The following KLF12 variants were observed in gnomAD, a reference collection of about 807,000 sequenced individuals.
The protein encoded by KLF12 is Krueppel-like factor 12.
Under a neutral mutation model 37.8 loss-of-function variants are expected in KLF12, and 9 were observed. That is an observed-to-expected ratio of 0.24 (90% CI 0.14 to 0.42). KLF12 has a LOEUF of 0.42. Ranked by LOEUF, KLF12 falls within the 10% of genes least tolerant of loss-of-function variation. The pLI is 1.00. For synonymous variants in KLF12, 208 were observed against 202.1 expected, an observed-to-expected ratio of 1.03 and a Z score of -0.25; for missense variants, 411 against 516.0, an observed-to-expected ratio of 0.80 and a Z score of 1.97.
At chr13:74,281,222 T>A in the KLF12 span, among the ~76,000 whole-genome samples, 1 of 152,186 alleles carries the variant, frequency 6.6e-6, no homozygotes, top group East Asian at 1.9e-4. Flanking sequence ...CTTACCACAT[T>A]TCATGAGTTG....
chr13:74,004,775 A>G (rs1892368521), intron 1 of KLF12, among the ~76,000 whole-genome samples: 1 of 152,200 alleles, frequency 6.6e-6, no homozygotes, highest in Non-Finnish European at 1.5e-5. Flanking sequence ...AAGTTTCTCC[A>G]CTAATTAGAA....
intron 5 of KLF12, among the ~76,000 whole-genome samples, chr13:73,805,996 G>A (rs989013632): frequency 6.6e-6 from 1 of 151,914 alleles, no homozygotes; most frequent in African/African-American, 2.4e-5. Context: ...TAGAGATGAG[G>A]TTTCACCAGA....
the KLF12 span, among the ~76,000 whole-genome samples, chr13:74,299,526 T>C: frequency 6.6e-6 from 1 of 152,202 alleles, no homozygotes; most frequent in African/African-American, 2.4e-5. Flanking sequence ...TCAAATAATA[T>C]CAACCTGACT....
intron 7 of KLF12, among the ~76,000 whole-genome samples, chr13:73,712,162 A>C (rs1324460016): frequency 6.6e-6 from 1 of 151,996 alleles, no homozygotes; most frequent in Non-Finnish European, 1.5e-5. Flanking sequence ...AACATGAAGA[A>C]ACCCTGTCTC....
At chr13:74,196,018 A>G in the KLF12 span, among the ~76,000 whole-genome samples, 1 of 152,164 alleles carries the variant, frequency 6.6e-6, no homozygotes, top group Non-Finnish European at 1.5e-5. Flanking sequence ...AGAAAATAAG[A>G]CAAATTATGT....
At chr13:74,147,660 CT>C in the KLF12 span, among the ~76,000 whole-genome samples, 1 of 152,170 alleles carries the variant, frequency 6.6e-6, no homozygotes, top group Non-Finnish European at 1.5e-5. Context: ...TACCTCCAGT[CT>C]GACCTCAAGC....
chr13:73,985,903 C>T (rs1174941834), intron 2 of KLF12, among the ~76,000 whole-genome samples: 1 of 152,158 alleles, frequency 6.6e-6, no homozygotes, highest in African/African-American at 2.4e-5. Flanking sequence ...AGGCAACAGC[C>T]CTAGCCTATC....
the KLF12 span, among the ~76,000 whole-genome samples, chr13:74,187,475 A>C: frequency 2.0e-5 from 3 of 152,122 alleles, no homozygotes; most frequent in South Asian, 6.2e-4. Context: ...TGTGAGGTCG[A>C]ATGAGATATC....
chr13:74,284,230 T>C, the KLF12 span, among the ~76,000 whole-genome samples: 2 of 152,016 alleles, frequency 1.3e-5, no homozygotes, highest in Non-Finnish European at 2.9e-5. Flanking sequence ...TTATAGTGAG[T>C]GGACCCACCC....
intron 3 of KLF12, among the ~76,000 whole-genome samples, chr13:73,864,644 AAT>A (rs1886087658): frequency 6.6e-6 from 1 of 152,152 alleles, no homozygotes; most frequent in Admixed American, 6.5e-5. Context: ...AAAGATTTTA[AAT>A]TACAAAGGAG....
chr13:74,270,392 G>A, the KLF12 span, among the ~76,000 whole-genome samples: 1 of 152,132 alleles, frequency 6.6e-6, no homozygotes, highest in African/African-American at 2.4e-5. Context: ...ATTTAGTTCT[G>A]TCATATGGCT....
At chr13:74,260,616 AATAAAATAAAAT>A in the KLF12 span, among the ~76,000 whole-genome samples, 1 of 111,368 alleles carries the variant, frequency 9.0e-6, no homozygotes, top group African/African-American at 5.7e-5. Context: ...AATAAAATAA[AATAAAATAAAAT>A]AGTGAATTAA....
At chr13:74,050,132 T>C (rs1056513730) in intron 1 of KLF12, among the ~76,000 whole-genome samples, 3 of 152,072 alleles carry the variant, frequency 2.0e-5, no homozygotes, top group Non-Finnish European at 4.4e-5. Flanking sequence ...AAGACACTTC[T>C]ACAAGATTTC....
chr13:74,180,443 T>C, the KLF12 span, among the ~76,000 whole-genome samples: 1 of 152,228 alleles, frequency 6.6e-6, no homozygotes, highest in South Asian at 2.1e-4. Flanking sequence ...CATTTGGCTT[T>C]CCTGAAATGG....
At chr13:74,225,461 C>A in the KLF12 span, among the ~76,000 whole-genome samples, 1 of 152,100 alleles carries the variant, frequency 6.6e-6, no homozygotes, top group Non-Finnish European at 1.5e-5. Flanking sequence ...TATTTCCTAC[C>A]TCTTCTCCAA....
intron 3 of KLF12, among the ~76,000 whole-genome samples, chr13:73,938,577 T>C (rs934557429): frequency 2.0e-5 from 3 of 152,208 alleles, no homozygotes; most frequent in African/African-American, 7.2e-5. Context: ...TGTGCTGAGA[T>C]GATGAGGAAT....
At chr13:73,790,938 C>A (rs1324640044) in intron 5 of KLF12, among the ~76,000 whole-genome samples, 5 of 152,158 alleles carry the variant, frequency 3.3e-5, no homozygotes, top group South Asian at 2.1e-4. Flanking sequence ...TTCCTTCAGA[C>A]AATAAAAATA....
At chr13:73,873,561 T>C (rs1203063947) in intron 3 of KLF12, among the ~76,000 whole-genome samples, 1 of 152,208 alleles carries the variant, frequency 6.6e-6, no homozygotes. Context: ...AAATGAGTTA[T>C]TAAAACCCAA....
chr13:74,214,115 T>A, the KLF12 span, among the ~76,000 whole-genome samples: 1 of 152,356 alleles, frequency 6.6e-6, no homozygotes, highest in East Asian at 1.9e-4. Context: ...CTTATGATTT[T>A]TATTTTTTAT....
Sources: allele counts gnomAD v4.1 joint callset (sites outside exome capture counted in the v4.1 genomes callset), GRCh38; gene constraint gnomAD v4.1.1; transcripts MANE v1.5; gene names NCBI Gene and HGNC (gene_info 2026-07-23, HGNC 2026-07-21).